The following KCNQ5 variants were observed in gnomAD, a reference collection of about 807,000 sequenced individuals.
The protein encoded by KCNQ5 is potassium voltage-gated channel subfamily KQT member 5.
A neutral mutation model predicts 98.2 loss-of-function variants in KCNQ5; 30 were observed. The observed-to-expected ratio is 0.31, with a 90% confidence interval of 0.23 to 0.41. KCNQ5 has a LOEUF of 0.41. Among genes scored for constraint, KCNQ5 ranks in the 10% least tolerant of loss-of-function variants. The probability of loss-of-function intolerance (pLI) is 1.00; values close to 1 mark genes in which losing one functional copy is unlikely to be tolerated. For missense variants in KCNQ5, 835 were observed against 1,182.5 expected (o/e 0.71, Z 4.31); for synonymous variants, 458 against 449.4 (o/e 1.02, Z -0.24).
chr6:72,698,648 C>CTTTT (rs753567095), intron 1 of KCNQ5, among the ~76,000 whole-genome samples: 70 of 93,996 alleles, frequency 7.4e-4, no homozygotes, highest in Non-Finnish European at 1.1e-3. Context: ...TCTTCTTCTT[C>CTTTT]TTTTTTTTTT....
At chr6:72,897,278 C>A (rs528722347) in intron 1 of KCNQ5, among the ~76,000 whole-genome samples, 1 of 152,030 alleles carries the variant, frequency 6.6e-6, no homozygotes, top group Non-Finnish European at 1.5e-5. Flanking sequence ...AGGTGGCTTA[C>A]GTCTGTAATC....
rs569360441 is a variant in KCNQ5, at chr6:72,696,344, CAATA to C, written c.398+73758_398+73761del. On this transcript the variant is annotated intron_variant, in intron 1 of 13. Transcript: ENST00000370398. Reference sequence around the variant, plus strand: ...TATTAACCACATATAAATCTACAAACAATACTTGATAAAATACGGGTGTGAAAAA... The same window carrying C: ...TATTAACCACATATAAATCTACAAACCTTGATAAAATACGGGTGTGAAAAA... 1.5e-3 allele frequency among the ~76,000 whole-genome samples: 232 copies of C among 152,184 alleles called. 1 individual carries two copies. Among genetic ancestry groups the C allele is most frequent in the African/African-American group, 5.5e-3 (228 of 41,506 alleles).
chr6:72,872,144 A>T (rs557705752), intron 1 of KCNQ5, among the ~76,000 whole-genome samples: 1 of 152,200 alleles, frequency 6.6e-6, no homozygotes, highest in Non-Finnish European at 1.5e-5. Context: ...TTATCCAAAC[A>T]TGTTCACATG....
chr6:72,747,238 A>G (rs1344298433), intron 1 of KCNQ5, among the ~76,000 whole-genome samples: 1 of 152,216 alleles, frequency 6.6e-6, no homozygotes, highest in Non-Finnish European at 1.5e-5. Context: ...TATCTCAAAT[A>G]TAATTTATAC....
chr6:73,164,635 A>T (rs1219520409), intron 10 of KCNQ5, among the ~76,000 whole-genome samples: 1 of 152,220 alleles, frequency 6.6e-6, no homozygotes, highest in African/African-American at 2.4e-5. Context: ...TGAACAATAT[A>T]GTTTCACTAT....
intron 1 of KCNQ5, among the ~76,000 whole-genome samples, chr6:72,953,765 A>T (rs574906706): frequency 3.5e-4 from 54 of 152,330 alleles, no homozygotes; most frequent in African/African-American, 1.3e-3. Flanking sequence ...CTTCCTCAAG[A>T]TATGTATGTT....
At chr6:73,186,860 T>C (rs1198049913) in intron 11 of KCNQ5, among the ~76,000 whole-genome samples, 1 of 152,074 alleles carries the variant, frequency 6.6e-6, no homozygotes, top group Non-Finnish European at 1.5e-5. Context: ...GTTACATAGG[T>C]ATACATGTGC....
At chr6:72,877,875 C>A (rs995375135) in intron 1 of KCNQ5, among the ~76,000 whole-genome samples, 3 of 152,236 alleles carry the variant, frequency 2.0e-5, no homozygotes, top group Non-Finnish European at 4.4e-5. Context: ...CTTTTTACCA[C>A]AGACTCCTTG....
chr6:73,044,109 T>G (rs758607409), intron 3 of KCNQ5, among the ~76,000 whole-genome samples: 1 of 152,036 alleles, frequency 6.6e-6, no homozygotes, highest in African/African-American at 2.4e-5. Context: ...TGGAAAGACC[T>G]GTCTCTACAA....
At position 73,037,313 on chromosome 6, in the gene KCNQ5, G is replaced by A. The variant is rs188499663; in HGVS notation, c.490-4623G>A. Among the ~76,000 whole-genome samples, 189 of 152,102 alleles carry A rather than the reference G, an allele frequency of 1.2e-3. 1 individual carries two copies. In the South Asian group the frequency reaches 0.019, roughly 16 times the overall value. On this transcript the variant is annotated intron_variant, in intron 2 of 13. Transcript: ENST00000370398. ...TTACAAACATTTTCTCCCAGTCTAT[G>A]GCTTGTCTTTTCATCCTTAGTACCT... is the stretch of plus-strand genomic sequence containing the variant.
At chr6:72,956,663 C>T (rs1242170775) in intron 1 of KCNQ5, among the ~76,000 whole-genome samples, 1 of 151,668 alleles carries the variant, frequency 6.6e-6, no homozygotes, top group Admixed American at 6.6e-5. Context: ...ACCTCCACCT[C>T]CCAAAATGTT....
chr6:72,705,612 T>C (rs1769037857), intron 1 of KCNQ5, among the ~76,000 whole-genome samples: 1 of 151,596 alleles, frequency 6.6e-6, no homozygotes, highest in African/African-American at 2.4e-5. Context: ...GTTGTTGTTG[T>C]TTTGCTAAAG....
chr6:73,133,260 C>T (rs1391337547), intron 9 of KCNQ5, among the ~76,000 whole-genome samples, 161 bp from the exon 10 acceptor site: 1 of 152,034 alleles, frequency 6.6e-6, no homozygotes, highest in East Asian at 1.9e-4. Flanking sequence ...TTAGATAAAG[C>T]TCAAATTTTA....
chr6:72,877,951 A>G (rs577049058), intron 1 of KCNQ5, among the ~76,000 whole-genome samples: 47 of 152,338 alleles, frequency 3.1e-4, no homozygotes, highest in African/African-American at 1.1e-3. Context: ...GTTAAGTTTC[A>G]GTTAAGTATC....
chr6:72,657,071 G>C lies in KCNQ5; in HGVS notation c.398+34484G>C, dbSNP rs1019723433. ...AAAAAATAGAAAACATTAGTTGGGC[G>C]TGGTGGTGAATGTCTATAGTCGTAG... On this transcript the variant is annotated intron_variant, in intron 1 of 13. Coordinates refer to ENST00000370398, the MANE Select transcript of KCNQ5 (RefSeq NM_019842.4). 2.0e-5 allele frequency among the ~76,000 whole-genome samples: 3 copies of C among 152,196 alleles called. No individual in the cohort carries two copies. The East Asian group carries it at 5.8e-4, about 29-fold the overall frequency.
intron 1 of KCNQ5, among the ~76,000 whole-genome samples, chr6:72,913,440 A>C (rs1427734131): frequency 1.3e-5 from 2 of 152,116 alleles, no homozygotes; most frequent in Non-Finnish European, 2.9e-5. Flanking sequence ...GGAGACTTTG[A>C]GTTGTGGCAT....
In KCNQ5 at chr6:73,049,585, C is replaced by A. The variant is rs1052838320; in HGVS notation, c.616+7523C>A. Among the ~76,000 whole-genome samples, 3 of 152,146 alleles carry A rather than the reference C, an allele frequency of 2.0e-5. No homozygotes were observed. In the South Asian group the frequency reaches 6.2e-4, roughly 32 times the overall value. ...TTAATTATAGTATAATCCGTTTAAT[C>A]TACATGTGGAGAAATAATGAAGGAG... On this transcript the variant is annotated intron_variant, in intron 3 of 13. Coordinates refer to ENST00000370398, the MANE Select transcript of KCNQ5 (RefSeq NM_019842.4).
chr6:73,188,982 CAAAAAA>C (rs67431655), intron 11 of KCNQ5, among the ~76,000 whole-genome samples: 8 of 82,426 alleles, frequency 9.7e-5, no homozygotes, highest in African/African-American at 1.8e-4. Context: ...GACTCTGTCT[CAAAAAA>C]AAAAAAAAAA....
chr6:72,947,375 T>C (rs1297579750), intron 1 of KCNQ5, among the ~76,000 whole-genome samples: 1 of 152,200 alleles, frequency 6.6e-6, no homozygotes, highest in African/African-American at 2.4e-5. Context: ...CTATACTTTA[T>C]AGAAGAGGGG....
Sources: allele counts gnomAD v4.1 joint callset (sites outside exome capture counted in the v4.1 genomes callset), GRCh38; gene constraint gnomAD v4.1.1; transcripts MANE v1.5; gene names NCBI Gene and HGNC (gene_info 2026-07-23, HGNC 2026-07-21).